Variants in GPCPD1 observed in about 807,000 individuals in gnomAD.
GPCPD1 encodes glycerophosphocholine phosphodiesterase 1.
A neutral mutation model predicts 89.2 loss-of-function variants in GPCPD1; 29 were observed. That is an observed-to-expected ratio of 0.33 (90% CI 0.24 to 0.44). The LOEUF is 0.44. GPCPD1 is among the 20% of genes least tolerant of loss of function. The pLI, the probability that GPCPD1 is intolerant of heterozygous loss-of-function variation, is 1.00. For synonymous variants in GPCPD1, 258 were observed against 266.3 expected, an observed-to-expected ratio of 0.97 and a Z score of 0.30; for missense variants, 594 against 808.9, an observed-to-expected ratio of 0.73 and a Z score of 3.22.
intron 6 of GPCPD1, among the ~76,000 whole-genome samples, chr20:5,581,530 T>A (rs1015069230): frequency 1.8e-4 from 27 of 152,164 alleles, no homozygotes; most frequent in African/African-American, 6.0e-4. Flanking sequence ...GGGTGTGAGA[T>A]ATCAGAAGGT....
At chr20:5,588,955 C>T (rs1979133930) in intron 4 of GPCPD1, among the ~76,000 whole-genome samples, 2 of 152,122 alleles carry the variant, frequency 1.3e-5, no homozygotes, top group African/African-American at 4.8e-5. Flanking sequence ...ACTTTATAGA[C>T]TGTTGATAGC....
intron 1 of GPCPD1, among the ~76,000 whole-genome samples, chr20:5,604,774 T>TACACACACACACACACAC (rs11466989): frequency 0.02 from 2,734 of 139,104 alleles, 48 homozygotes; most frequent in Middle Eastern, 0.035. Context: ...GCCTCATGTC[T>TACACACACACACACACAC]ACACACACAC....
chr20:5,585,399 T>TA (rs1448674307), intron 5 of GPCPD1: 3 of 152,144 alleles, frequency 2.0e-5, no homozygotes, highest in African/African-American at 7.2e-5. Context: ...GGCATCCAGT[T>TA]ATCTTTCAAT....
chr20:5,561,208 A>G (rs1174724375), intron 16 of GPCPD1, among the ~76,000 whole-genome samples: 2 of 152,214 alleles, frequency 1.3e-5, no homozygotes. Flanking sequence ...TATCTCCCCA[A>G]AACCACCATA....
At chr20:5,601,215 A>T (rs959076806) in intron 2 of GPCPD1, among the ~76,000 whole-genome samples, 1 of 152,006 alleles carries the variant, frequency 6.6e-6, no homozygotes, top group African/African-American at 2.4e-5. Context: ...GAATAATTTT[A>T]AAATTAGCCA....
At chr20:5,555,648 C>T (rs1182316283) in intron 19 of GPCPD1, among the ~76,000 whole-genome samples, 8 of 152,162 alleles carry the variant, frequency 5.3e-5, no homozygotes, top group Admixed American at 1.3e-4. Flanking sequence ...CACTTGGGGT[C>T]GGGAGTTCAA....
chr20:5,604,247 G>C, intron 2 of GPCPD1, 117 bp downstream of exon 2: 1 of 653,052 alleles, frequency 1.5e-6, no homozygotes, highest in Admixed American at 2.7e-5. Flanking sequence ...AAGACCTATA[G>C]ATATTTTCAT....
intron 1 of GPCPD1, among the ~76,000 whole-genome samples, chr20:5,604,774 T>TACACACACACACAC (rs11466989): frequency 0.042 from 5,802 of 139,068 alleles, 175 homozygotes; most frequent in South Asian, 0.055. Context: ...GCCTCATGTC[T>TACACACACACACAC]ACACACACAC....
intron 8 of GPCPD1, 96 bp from the exon 9 acceptor site, chr20:5,576,074 C>T: frequency 3.8e-6 from 2 of 528,416 alleles, no homozygotes; most frequent in Non-Finnish European, 6.7e-6. Flanking sequence ...CACACACACA[C>T]ATATCTCCTA....
intron 12 of GPCPD1, among the ~76,000 whole-genome samples, chr20:5,568,751 C>G (rs1453288567): frequency 6.6e-6 from 1 of 151,956 alleles, no homozygotes; most frequent in East Asian, 1.9e-4. Flanking sequence ...CTAAAAAATA[C>G]AAAAATTAGT....
intron 2 of GPCPD1, among the ~76,000 whole-genome samples, chr20:5,603,922 T>C (rs1980364918): frequency 6.6e-6 from 1 of 152,004 alleles, no homozygotes; most frequent in Non-Finnish European, 1.5e-5. Context: ...AATTTTTGTA[T>C]TTTTAGTAGA....
chr20:5,577,302 T>C (rs1198770409), intron 8 of GPCPD1, among the ~76,000 whole-genome samples: 1 of 151,806 alleles, frequency 6.6e-6, no homozygotes, highest in Non-Finnish European at 1.5e-5. Context: ...ATTACAAGCA[T>C]GAGCCACCGC....
Position 5,545,001 on chromosome 20 carries a change from A to C in GPCPD1, c.*2660T>G, listed in dbSNP as rs556145125. On this transcript the variant is annotated 3_prime_UTR_variant, in exon 20 of 20. Coordinates refer to ENST00000379019, the MANE Select transcript of GPCPD1 (RefSeq NM_019593.5). The stretch of plus-strand genomic sequence containing the variant: ...GGGGTGGGTGGTGTGCCTCACATTT[A>C]CAGCCGATCATTTACAGCACATAAT... The C allele has an allele frequency of 3.3e-5, 5 of 152,318 alleles. No homozygotes were observed. Among genetic ancestry groups the C allele is most frequent in the African/African-American group, 1.2e-4 (5 of 41,576 alleles). The allele number at this position is 152,318 out of a possible 1,614,324, so 9.4% of individuals were successfully genotyped here.
chr20:5,569,258 G>C (rs1408157298), intron 12 of GPCPD1, among the ~76,000 whole-genome samples: 1 of 152,012 alleles, frequency 6.6e-6, no homozygotes, highest in East Asian at 1.9e-4. Context: ...CAGGGTCTTT[G>C]TCACACTCTT....
chr20:5,592,183 C>T (rs1355747352), intron 4 of GPCPD1, among the ~76,000 whole-genome samples: 5 of 152,146 alleles, frequency 3.3e-5, no homozygotes, highest in African/African-American at 1.2e-4. Flanking sequence ...TATTACAAAG[C>T]TAAATTTCAT....
chr20:5,584,806 T>G (rs193010847), intron 5 of GPCPD1: 5 of 152,922 alleles, frequency 3.3e-5, no homozygotes, highest in Admixed American at 3.3e-4. Context: ...AGCGTGAACT[T>G]ACCTGTATGT....
At chr20:5,584,534 T>A (rs1978777193) in intron 5 of GPCPD1, 2 of 326,530 alleles carry the variant, frequency 6.1e-6, no homozygotes, top group Non-Finnish European at 1.1e-5. Flanking sequence ...CATACTTCGT[T>A]GATTGTCCAT....
chr20:5,582,173 G>T (rs1197236708), intron 6 of GPCPD1, among the ~76,000 whole-genome samples: 1 of 102,442 alleles, frequency 9.8e-6, no homozygotes, highest in African/African-American at 3.9e-5. Flanking sequence ...GCGACAGAGC[G>T]AGACTCCCGT....
rs1178954705 is a variant in GPCPD1 at position 5,546,363 on chromosome 20, G to A, written c.*1298C>T. 1 of 152,226 alleles carries A rather than the reference G, an allele frequency of 6.6e-6. No homozygotes were observed. The highest frequency in any genetic ancestry group is 2.4e-5 in the African/African-American group (1 of 41,452). The allele number at this position is 152,226 out of a possible 1,614,324, so 9.4% of individuals were successfully genotyped here. A position where few individuals can be genotyped will look rare whatever the true frequency, so the allele number is the denominator to read the frequency against. ...GAAAAACATGCAGTAAAAGGTAGAT[G>A]CAAATAAGCCATCCCTTTAGGGTAG... On this transcript the variant is annotated 3_prime_UTR_variant, in exon 20 of 20. Transcript: ENST00000379019.
Sources: allele counts gnomAD v4.1 joint callset (sites outside exome capture counted in the v4.1 genomes callset), GRCh38; gene constraint gnomAD v4.1.1; transcripts MANE v1.5; gene names NCBI Gene and HGNC (gene_info 2026-07-23, HGNC 2026-07-21).